TM9SF3: variants seen among roughly 807,000 people sequenced by gnomAD.
TM9SF3 encodes the protein transmembrane 9 superfamily member 3.
In TM9SF3, 14 loss-of-function variants were observed where a neutral mutation model predicts 78.6. The ratio of observed to expected loss-of-function variants is 0.18; its 90% CI spans 0.12 to 0.28. The LOEUF (loss-of-function observed/expected upper bound fraction) is 0.28. Ranked by LOEUF, TM9SF3 falls within the 10% of genes least tolerant of loss-of-function variation. The pLI is 1.00. For missense variants in TM9SF3, 496 were observed against 721.9 expected, an observed-to-expected ratio of 0.69 and a Z score of 3.59; for synonymous variants, 231 against 241.7, an observed-to-expected ratio of 0.96 and a Z score of 0.41.
In TM9SF3 at chr10:96,527,504, G is replaced by T. The variant is rs3789957; in HGVS notation, c.1542-8C>A. The T allele has an allele frequency of 1.4e-5, 23 of 1,601,514 alleles. No individual in the cohort carries two copies. Among genetic ancestry groups the T allele is most frequent in the Non-Finnish European group, 1.7e-5 (20 of 1,172,942 alleles). On this transcript the variant is annotated splice_region_variant and splice_polypyrimidine_tract_variant and intron_variant, in intron 12 of 14. Coordinates refer to ENST00000371142, the MANE Select transcript of TM9SF3 (RefSeq NM_020123.4). ...AGAAAACTTGTCCATTGCCTGGTGG[G>T]GGGAGGGGGAAAGAAGATAAATCTC...
At position 96,553,012 on chromosome 10, in the gene TM9SF3, CAAG is replaced by C; in HGVS notation, c.705_707del (p.Phe235del). 1 of 1,605,232 alleles carries C rather than the reference CAAG, an allele frequency of 6.2e-7. No individual in the cohort carries two copies. The highest frequency in any genetic ancestry group is 8.5e-7 in the Non-Finnish European group (1 of 1,177,348). On this transcript the variant is annotated inframe_deletion, in exon 6 of 15. Transcript: ENST00000371142. ...TTAAAATCATTGAAACTAAGCCCAC[CAAG>C]AAGATCACCATCATGAAGGAGTTGA...
In TM9SF3 at chr10:96,520,424, C is replaced by T. The variant is rs1847750712; in HGVS notation, c.*1839G>A. The T allele has an allele frequency of 6.6e-6, 1 of 152,660 alleles. No homozygotes were observed. The highest frequency in any genetic ancestry group is 1.5e-5 in the Non-Finnish European group (1 of 68,400). The allele number at this position is 152,660 out of a possible 1,614,324, so 9.5% of individuals were successfully genotyped here. ...TTCACCTTTTAAAGGACTTACATGT[C>T]ACAATATAGGATGTAGAGTCCATCA... On this transcript the variant is annotated 3_prime_UTR_variant, in exon 15 of 15. Transcript: ENST00000371142.
chr10:96,557,831 C>G (rs1157763936), intron 5 of TM9SF3, among the ~76,000 whole-genome samples: 1 of 152,214 alleles, frequency 6.6e-6, no homozygotes, highest in African/African-American at 2.4e-5. Flanking sequence ...CTGCAACTTA[C>G]CCGACCCCTG....
Position 96,562,221 on chromosome 10 carries a change from T to G in TM9SF3, c.422-83A>C, listed in dbSNP as rs556888425. On this transcript the variant is annotated intron_variant, in intron 3 of 14. Coordinates refer to ENST00000371142, the MANE Select transcript of TM9SF3 (RefSeq NM_020123.4). ...ACAAGCTAAATGCTCATTAAGTTTT[T>G]TTTTTTTTTTTTTTTACCTCCGCCC... 1,187 of 1,055,874 alleles carry G rather than the reference T, an allele frequency of 1.1e-3. 2 individuals are homozygous for G. In the South Asian group the frequency reaches 0.017, roughly 15 times the overall value. The allele number at this position is 1,055,874 out of a possible 1,614,324, so 65.4% of individuals were successfully genotyped here.
chr10:96,547,136 G>A (rs575526314), intron 8 of TM9SF3, among the ~76,000 whole-genome samples: 19 of 152,302 alleles, frequency 1.2e-4, no homozygotes, highest in African/African-American at 4.6e-4. Context: ...CTGTGACAGT[G>A]ACAAAGAATA....
chr10:96,557,678 A>C (rs1848252356), intron 5 of TM9SF3, among the ~76,000 whole-genome samples: 1 of 152,020 alleles, frequency 6.6e-6, no homozygotes, highest in Non-Finnish European at 1.5e-5. Context: ...GCATATCCTC[A>C]CTTTAATAGG....
chr10:96,559,691 T>C lies in TM9SF3; in HGVS notation c.628A>G (p.Lys210Glu), dbSNP rs954438246. 6.3e-7 allele frequency: 1 copy of C among 1,596,044 alleles called. No homozygotes were observed. The highest frequency in any genetic ancestry group is 8.6e-7 in the Non-Finnish European group (1 of 1,169,098). Residue 210 changes from lysine to glutamate, a missense_variant, in exon 5 of 15, where the codon AAA becomes GAA. Lys to Glu is a moderately conservative substitution (Grantham distance 56). This residue lies in a region of TM9SF3 where 155 missense variants were observed against 241.6 expected (regional missense o/e 0.64). Coordinates refer to ENST00000371142, the MANE Select transcript of TM9SF3 (RefSeq NM_020123.4). The part of the protein sequence containing the change: ...SDVKFEDRFD[K>E]YLDPSFFQHR... ...TGAAAAAAGGACGGATCAAGATATT[T>C]GTCAAATCGATCTTCAAATTTCACA...
chr10:96,545,819 G>C (rs1374749499), intron 8 of TM9SF3, among the ~76,000 whole-genome samples: 1 of 152,224 alleles, frequency 6.6e-6, no homozygotes, highest in African/African-American at 2.4e-5. Context: ...AACCCAGGAG[G>C]TGGAGGTTGC....
At position 96,520,831 on chromosome 10, in the gene TM9SF3, T is replaced by C. The variant is rs1847758205; in HGVS notation, c.*1432A>G. The C allele has an allele frequency of 7.6e-6, 3 of 396,432 alleles. No individual in the cohort carries two copies. The highest frequency in any genetic ancestry group is 2.1e-5 in the African/African-American group (1 of 48,558). The allele number at this position is 396,432 out of a possible 1,614,324, so 24.6% of individuals were successfully genotyped here. A position where few individuals can be genotyped will look rare whatever the true frequency, so the allele number is the denominator to read the frequency against. On this transcript the variant is annotated 3_prime_UTR_variant, in exon 15 of 15. Transcript: ENST00000371142. ...CACTTTATGATTGTGCTGGATAATC[T>C]AGATGTAAGCAAGTCTGGAGATTTT...
At chr10:96,552,286 C>T (rs1193226580) in intron 6 of TM9SF3, among the ~76,000 whole-genome samples, 1 of 151,968 alleles carries the variant, frequency 6.6e-6, no homozygotes. Context: ...ATTATCTCTA[C>T]AATAAATAAA....
At chr10:96,574,047 G>A (rs1489529729) in intron 2 of TM9SF3, among the ~76,000 whole-genome samples, 1 of 152,070 alleles carries the variant, frequency 6.6e-6, no homozygotes, top group African/African-American at 2.4e-5. Context: ...CAAAAGCAAT[G>A]GCAATAAAAG....
intron 1 of TM9SF3, among the ~76,000 whole-genome samples, chr10:96,586,470 G>T (rs1848631100): frequency 6.6e-6 from 1 of 152,176 alleles, no homozygotes; most frequent in African/African-American, 2.4e-5. Context: ...CAGGAACCCC[G>T]AGACCCTGGG....
chr10:96,536,098 G>A (rs1847955218), intron 9 of TM9SF3, among the ~76,000 whole-genome samples: 1 of 151,614 alleles, frequency 6.6e-6, no homozygotes, highest in African/African-American at 2.4e-5. Context: ...TTCTAAGATC[G>A]AACACCCATT....
intron 1 of TM9SF3, among the ~76,000 whole-genome samples, chr10:96,581,879 A>T (rs988403350): frequency 1.3e-5 from 2 of 152,224 alleles, no homozygotes; most frequent in Non-Finnish European, 2.9e-5. Flanking sequence ...TCTCAAGATT[A>T]CCAGAAGTAC....
intron 7 of TM9SF3, among the ~76,000 whole-genome samples, chr10:96,548,349 G>A (rs1848125792): frequency 6.6e-6 from 1 of 152,144 alleles, no homozygotes; most frequent in Admixed American, 6.5e-5. Flanking sequence ...CATCTGTTAA[G>A]AAAAATGACT....
intron 6 of TM9SF3, among the ~76,000 whole-genome samples, chr10:96,552,612 T>C (rs1373809363): frequency 6.6e-6 from 1 of 152,212 alleles, no homozygotes; most frequent in Admixed American, 6.5e-5. Flanking sequence ...CCCTGAATTT[T>C]AAGCAGTATT....
intron 9 of TM9SF3, among the ~76,000 whole-genome samples, chr10:96,540,757 T>G (rs1225481798): frequency 4.7e-5 from 7 of 149,654 alleles, no homozygotes; most frequent in Non-Finnish European, 8.9e-5. Context: ...ACATTGGTTT[T>G]ATATTACCTT....
At chr10:96,526,322 T>A (rs1847838132) in intron 14 of TM9SF3, among the ~76,000 whole-genome samples, 1 of 151,996 alleles carries the variant, frequency 6.6e-6, no homozygotes, top group Non-Finnish European at 1.5e-5. Context: ...CATGACACTA[T>A]TCCTCACAAC....
chr10:96,527,129 A>C (rs1847847411), intron 14 of TM9SF3, 84 bp downstream of exon 14: 1 of 1,208,574 alleles, frequency 8.3e-7, no homozygotes, highest in Admixed American at 2.1e-5. Flanking sequence ...AACAGATAAA[A>C]TTTCTTAATT....
Sources: gnomAD v4.1 joint callset for allele counts (sites outside exome capture counted in the v4.1 genomes callset) on GRCh38, gnomAD v4.1.1 for gene constraint, gnomAD v4.1.1 regional missense constraint, MANE v1.5 for transcripts, NCBI Gene and HGNC (gene_info 2026-07-23, HGNC 2026-07-21) for gene names.